The following TAFA1 variants were observed in gnomAD, a reference collection of about 807,000 sequenced individuals.
TAFA1 encodes the protein TAFA chemokine like family member 1, also known as chemokine-like protein TAFA-1.
Under a neutral mutation model 18.5 loss-of-function variants are expected in TAFA1, and 4 were observed. That is an observed-to-expected ratio of 0.22 (90% CI 0.11 to 0.49). The LOEUF is 0.49. TAFA1 is among the 20% of genes least tolerant of loss of function. The pLI is 0.98. For synonymous variants in TAFA1, 56 were observed against 55.2 expected, an observed-to-expected ratio of 1.01 and a Z score of -0.06; for missense variants, 147 against 169.0, an observed-to-expected ratio of 0.87 and a Z score of 0.72.
intron 2 of TAFA1, among the ~76,000 whole-genome samples, chr3:68,386,182 G>A (rs2070099349): frequency 6.6e-6 from 1 of 152,196 alleles, no homozygotes; most frequent in Admixed American, 6.6e-5. Context: ...ACACACGATA[G>A]ATACTGTTGT....
Position 68,130,031 on chromosome 3 carries a change from T to G in TAFA1, c.118+123287T>G, listed in dbSNP as rs183606497. Among the ~76,000 whole-genome samples, 177 of 152,254 alleles carry G rather than the reference T, an allele frequency of 1.2e-3. 2 individuals are homozygous for G. Among genetic ancestry groups the G allele is most frequent in the South Asian group, 2.3e-3 (11 of 4,822 alleles). On this transcript the variant is annotated intron_variant, in intron 2 of 4. Transcript: ENST00000478136. ...GCAAAATTTTATACACAGGTTTCAG[T>G]TTGGAAACTGGCACAAAGCCTTAAA...
At position 68,545,605 on chromosome 3, in the gene TAFA1, A is replaced by C. The variant is rs1487459013; in HGVS notation, c.*1102A>C. 2 of 152,584 alleles carry C rather than the reference A, an allele frequency of 1.3e-5. No individual in the cohort carries two copies. Among genetic ancestry groups the C allele is most frequent in the Non-Finnish European group, 2.9e-5 (2 of 68,014 alleles). 9.5% of individuals were successfully genotyped at this position (152,584 alleles called of 1,614,324 possible). On this transcript the variant is annotated 3_prime_UTR_variant, in exon 5 of 5. Transcript: ENST00000478136. ...GTTGGACAGCCCTATTAAAGTGGTA[A>C]ACAACTTCTTTCTAAACCTACTTGT...
chr3:68,526,015 G>A (rs954088974), intron 3 of TAFA1, among the ~76,000 whole-genome samples: 16 of 152,158 alleles, frequency 1.1e-4, no homozygotes, highest in African/African-American at 3.9e-4. Context: ...TAAAATAAGA[G>A]AAACAATGTA....
intron 2 of TAFA1, among the ~76,000 whole-genome samples, chr3:68,047,186 G>C (rs2064400150): frequency 6.6e-6 from 1 of 152,138 alleles, no homozygotes. Context: ...TCTTTCTTTA[G>C]ACAAGTCTAG....
chr3:68,388,536 T>A (rs1487881128), intron 2 of TAFA1, among the ~76,000 whole-genome samples: 3 of 151,942 alleles, frequency 2.0e-5, no homozygotes. Context: ...TTTGCTGTAT[T>A]CAGCTCATTT....
At chr3:68,351,599 C>G (rs1055765743) in intron 2 of TAFA1, among the ~76,000 whole-genome samples, 1 of 151,968 alleles carries the variant, frequency 6.6e-6, no homozygotes, top group African/African-American at 2.4e-5. Context: ...GCTTATATAG[C>G]ATCTTCAAAA....
chr3:68,022,823 T>A (rs940302635), intron 2 of TAFA1, among the ~76,000 whole-genome samples: 6 of 48,372 alleles, frequency 1.2e-4, no homozygotes, highest in Non-Finnish European at 1.1e-4. Flanking sequence ...ATATATATAT[T>A]ATATATAATA....
chr3:68,073,129 A>G (rs1023068721), intron 2 of TAFA1, among the ~76,000 whole-genome samples: 5 of 152,234 alleles, frequency 3.3e-5, no homozygotes, highest in African/African-American at 7.2e-5. Context: ...TAATTAGAAC[A>G]TAAGTAGATA....
intron 1 of TAFA1, among the ~76,000 whole-genome samples, chr3:68,005,420 C>T (rs1704340123): frequency 6.6e-6 from 1 of 152,166 alleles, no homozygotes; most frequent in African/African-American, 2.4e-5. Flanking sequence ...TATTATAGTC[C>T]TAAAATCCTT....
At chr3:68,164,630 C>CGTGT (rs1306831109) in intron 2 of TAFA1, among the ~76,000 whole-genome samples, 12,816 of 146,280 alleles carry the variant, frequency 0.088, 1,227 homozygotes, top group African/African-American at 0.24. Context: ...CCTTTTGCAA[C>CGTGT]GTGTGTGTGT....
At chr3:68,140,353 C>G (rs1023807081) in intron 2 of TAFA1, among the ~76,000 whole-genome samples, 1 of 152,204 alleles carries the variant, frequency 6.6e-6, no homozygotes, top group East Asian at 1.9e-4. Flanking sequence ...GTATGATGCT[C>G]TCTTACTAGA....
chr3:68,056,307 T>G (rs2064536498), intron 2 of TAFA1, among the ~76,000 whole-genome samples: 1 of 152,254 alleles, frequency 6.6e-6, no homozygotes, highest in Non-Finnish European at 1.5e-5. Flanking sequence ...GTTCTCAGGT[T>G]TTAGTACTGA....
At chr3:68,078,514 G>A (rs2064855873) in intron 2 of TAFA1, among the ~76,000 whole-genome samples, 1 of 152,122 alleles carries the variant, frequency 6.6e-6, no homozygotes. Context: ...AGAGTTTTTA[G>A]CATGAAGGGT....
chr3:68,261,185 C>T (rs1415784640), intron 2 of TAFA1, among the ~76,000 whole-genome samples: 3 of 152,130 alleles, frequency 2.0e-5, no homozygotes, highest in African/African-American at 7.2e-5. Flanking sequence ...CACTGGCCAT[C>T]AGAGAAATCC....
intron 3 of TAFA1, among the ~76,000 whole-genome samples, chr3:68,454,948 T>A (rs2071631680): frequency 6.6e-6 from 1 of 152,140 alleles, no homozygotes; most frequent in African/African-American, 2.4e-5. Flanking sequence ...AAAATCCATC[T>A]ATAACTTTTG....
intron 2 of TAFA1, among the ~76,000 whole-genome samples, chr3:68,085,782 T>G (rs2064963862): frequency 6.6e-6 from 1 of 151,988 alleles, no homozygotes. Context: ...TTTAGCTGAG[T>G]GGGTTTTCAA....
At chr3:68,220,061 G>C (rs1007093444) in intron 2 of TAFA1, among the ~76,000 whole-genome samples, 1 of 152,078 alleles carries the variant, frequency 6.6e-6, no homozygotes, top group Non-Finnish European at 1.5e-5. Flanking sequence ...AGCTTCATAG[G>C]TCCCCAATTA....
intron 2 of TAFA1, among the ~76,000 whole-genome samples, chr3:68,137,113 A>G (rs1358993192): frequency 1.3e-5 from 2 of 152,230 alleles, no homozygotes; most frequent in African/African-American, 4.8e-5. Flanking sequence ...AAATAGGAGT[A>G]CTTTATGGGA....
At chr3:68,046,010 T>C (rs1705260805) in intron 2 of TAFA1, among the ~76,000 whole-genome samples, 1 of 152,178 alleles carries the variant, frequency 6.6e-6, no homozygotes, top group African/African-American at 2.4e-5. Flanking sequence ...TTTGCCCCCC[T>C]GGAAGTATCT....
Sources: gnomAD v4.1 joint callset for allele counts (sites outside exome capture counted in the v4.1 genomes callset) on GRCh38, gnomAD v4.1.1 for gene constraint, MANE v1.5 for transcripts, NCBI Gene and HGNC (gene_info 2026-07-23, HGNC 2026-07-21) for gene names.